The following NCKAP5 variants were observed in gnomAD, a reference collection of about 807,000 sequenced individuals.
NCKAP5 encodes NCK associated protein 5, also known as nck-associated protein 5.
NCKAP5 carries 92 observed loss-of-function variants against 167.0 expected under a neutral mutation model. That is an observed-to-expected ratio of 0.55 (90% CI 0.47 to 0.66). NCKAP5 has a LOEUF of 0.66. Ranked by LOEUF, NCKAP5 falls within the 30% of genes least tolerant of loss-of-function variation. NCKAP5 has a pLI of 0.00. For synonymous variants in NCKAP5, 891 were observed against 877.4 expected, an observed-to-expected ratio of 1.02 and a Z score of -0.27; for missense variants, 2,378 against 2,315.0, an observed-to-expected ratio of 1.03 and a Z score of -0.56.
At chr2:132,822,645 C>T (rs1207891651) in intron 11 of NCKAP5, among the ~76,000 whole-genome samples, 1 of 152,162 alleles carries the variant, frequency 6.6e-6, no homozygotes, top group Non-Finnish European at 1.5e-5. Flanking sequence ...TATGACAAAA[C>T]AGGGTTCTAT....
chr2:133,341,668 T>A (rs1318374166), intron 3 of NCKAP5, among the ~76,000 whole-genome samples: 2 of 152,210 alleles, frequency 1.3e-5, no homozygotes, highest in Non-Finnish European at 2.9e-5. Flanking sequence ...ATTTGCCAGC[T>A]GTTAAGTAAA....
intron 16 of NCKAP5, among the ~76,000 whole-genome samples, chr2:132,761,350 C>G (rs902529074): frequency 6.6e-6 from 1 of 152,212 alleles, no homozygotes; most frequent in Admixed American, 6.5e-5. Flanking sequence ...TATGAGACTT[C>G]CGGTGTTGAA....
Position 133,540,741 on chromosome 2 carries a change from G to A in NCKAP5, c.-62+18309C>T, listed in dbSNP as rs141277523. Among the ~76,000 whole-genome samples the A allele has an allele frequency of 1.7e-3, 257 of 152,040 alleles. 2 individuals are homozygous for A. The highest frequency in any genetic ancestry group is 5.7e-3 in the African/African-American group (236 of 41,494). On this transcript the variant is annotated intron_variant, in intron 2 of 19. Transcript: ENST00000409261. ...ACCTGAGGTTGTGAGTTCAAGTCCAGCCTAGCCAACATGGTGAAACCCCAT... is the reference window on the plus strand; with the variant it reads ...ACCTGAGGTTGTGAGTTCAAGTCCAACCTAGCCAACATGGTGAAACCCCAT...
chr2:132,688,659 G>A (rs566532424), intron 19 of NCKAP5, among the ~76,000 whole-genome samples: 2 of 152,174 alleles, frequency 1.3e-5, no homozygotes, highest in Admixed American at 6.5e-5. Context: ...ATCACCTGGG[G>A]GAAGGGGAGG....
chr2:133,672,416 A>C, the NCKAP5 span, among the ~76,000 whole-genome samples: 1 of 152,252 alleles, frequency 6.6e-6, no homozygotes, highest in Non-Finnish European at 1.5e-5. Flanking sequence ...ATAAATATTT[A>C]GAAGTTTTAT....
intron 3 of NCKAP5, among the ~76,000 whole-genome samples, chr2:133,452,310 C>T (rs1030561180): frequency 6.6e-6 from 1 of 152,128 alleles, no homozygotes; most frequent in Non-Finnish European, 1.5e-5. Context: ...GGAGAGGCTC[C>T]TTGCTTGGGA....
chr2:132,959,424 G>A (rs528024702), intron 8 of NCKAP5, among the ~76,000 whole-genome samples: 2 of 152,214 alleles, frequency 1.3e-5, no homozygotes, highest in South Asian at 4.2e-4. Flanking sequence ...AGGTGGTGGC[G>A]GGCCTGTTCT....
chr2:132,802,288 C>T (rs1375683868), intron 11 of NCKAP5, among the ~76,000 whole-genome samples: 1 of 152,124 alleles, frequency 6.6e-6, no homozygotes, highest in Non-Finnish European at 1.5e-5. Context: ...TAGGGATCAC[C>T]CTCCCTCAAA....
At chr2:133,568,473 A>C (rs920895087), upstream of NCKAP5, 3 of 152,134 alleles carry the variant, frequency 2.0e-5, no homozygotes, top group Non-Finnish European at 4.4e-5. Flanking sequence ...CGAGCTTGTA[A>C]ATACAAGCTC....
intron 6 of NCKAP5, among the ~76,000 whole-genome samples, chr2:133,006,621 AT>A (rs1159412993): frequency 1.2e-5 from 1 of 81,244 alleles, no homozygotes; most frequent in Non-Finnish European, 2.6e-5. Flanking sequence ...ATTTTATTTT[AT>A]TTTATTTTTT....
intron 8 of NCKAP5, among the ~76,000 whole-genome samples, chr2:132,910,006 G>A (rs1694318586): frequency 6.6e-6 from 1 of 152,200 alleles, no homozygotes; most frequent in African/African-American, 2.4e-5. Context: ...TACAATTAGA[G>A]CAGTTAAGGA....
intron 5 of NCKAP5, among the ~76,000 whole-genome samples, chr2:133,187,310 G>C (rs2084990336): frequency 6.6e-6 from 1 of 152,020 alleles, no homozygotes. Flanking sequence ...TGTGTTCTGA[G>C]AGTGAGCCTG....
At chr2:132,768,088 C>G (rs1681678149) in intron 16 of NCKAP5, among the ~76,000 whole-genome samples, 1 of 152,154 alleles carries the variant, frequency 6.6e-6, no homozygotes, top group Non-Finnish European at 1.5e-5. Flanking sequence ...GGCACTGTGG[C>G]CTATGCCCTT....
At chr2:132,886,492 G>T (rs1246717306) in intron 8 of NCKAP5, among the ~76,000 whole-genome samples, 1 of 152,126 alleles carries the variant, frequency 6.6e-6, no homozygotes, top group Non-Finnish European at 1.5e-5. Context: ...TTTTCCAGTT[G>T]TCCCTCAGGT....
intron 15 of NCKAP5, among the ~76,000 whole-genome samples, chr2:132,778,995 T>C (rs1682787207): frequency 2.0e-5 from 3 of 152,234 alleles, no homozygotes; most frequent in Non-Finnish European, 4.4e-5. Context: ...GACTAGCTGG[T>C]CAACTACCCA....
intron 11 of NCKAP5, among the ~76,000 whole-genome samples, chr2:132,797,265 T>A (rs957236528): frequency 1.3e-5 from 2 of 152,198 alleles, no homozygotes; most frequent in Non-Finnish European, 2.9e-5. Flanking sequence ...TAGAAAATAA[T>A]TGCTTTGGGG....
chr2:133,278,311 T>C (rs1372436794), intron 4 of NCKAP5, among the ~76,000 whole-genome samples: 4 of 152,204 alleles, frequency 2.6e-5, no homozygotes, highest in South Asian at 4.1e-4. Flanking sequence ...ACTGCATTTT[T>C]TTCTAGAGGC....
At chr2:133,236,793 G>T (rs770970030) in intron 4 of NCKAP5, among the ~76,000 whole-genome samples, 7 of 152,096 alleles carry the variant, frequency 4.6e-5, no homozygotes, top group South Asian at 2.1e-4. Context: ...TTCAAGCTTG[G>T]GAATCTCAGT....
chr2:133,337,682 C>T (rs1360677483), intron 3 of NCKAP5, among the ~76,000 whole-genome samples: 1 of 152,194 alleles, frequency 6.6e-6, no homozygotes, highest in Non-Finnish European at 1.5e-5. Flanking sequence ...AGGTGGCCAT[C>T]TGAAGCTAAG....
Sources: allele counts gnomAD v4.1 joint callset (sites outside exome capture counted in the v4.1 genomes callset), GRCh38; gene constraint gnomAD v4.1.1; transcripts MANE v1.5; gene names NCBI Gene and HGNC (gene_info 2026-07-23, HGNC 2026-07-21).